The following TRANK1 variants were observed in gnomAD, a reference collection of about 807,000 sequenced individuals.
The protein encoded by TRANK1 is tetratricopeptide repeat and ankyrin repeat containing 1, also known as TPR and ankyrin repeat-containing protein 1.
A neutral mutation model predicts 266.0 loss-of-function variants in TRANK1; 198 were observed. The ratio of observed to expected loss-of-function variants is 0.74; its 90% CI spans 0.66 to 0.84. The LOEUF is 0.84. Among genes scored for constraint, TRANK1 ranks in the 40% least tolerant of loss-of-function variants. The pLI, the probability that TRANK1 is intolerant of heterozygous loss-of-function variation, is 0.00. For missense variants in TRANK1, 3,326 were observed against 3,634.6 expected, an observed-to-expected ratio of 0.92 and a Z score of 2.18; for synonymous variants, 1,396 against 1,384.1, an observed-to-expected ratio of 1.01 and a Z score of -0.19.
chr3:36,938,085 GTCTGGAGGTGTCCAGGAGCTCCCCGTA>G (rs2080447067), intron 1 of TRANK1, among the ~76,000 whole-genome samples: 1 of 152,218 alleles, frequency 6.6e-6, no homozygotes, highest in Non-Finnish European at 1.5e-5. Context: ...CATGGGGAGG[GTCTGGAGGTGTCCAGGAGCTCCCCGTA>G]GACAAAACAA....
At chr3:36,878,891 G>C (rs2079431247) in intron 8 of TRANK1, among the ~76,000 whole-genome samples, 1 of 151,986 alleles carries the variant, frequency 6.6e-6, no homozygotes, top group African/African-American at 2.4e-5. Context: ...TCCTCATCTG[G>C]ATAGGGAGGC....
rs754661260 is a variant in TRANK1 at position 36,856,599 on chromosome 3, G to A, written c.3123C>T (p.Leu1041=). The A allele has an allele frequency of 5.0e-6, 8 of 1,614,036 alleles. No homozygotes were observed. Among genetic ancestry groups the A allele is most frequent in the Non-Finnish European group, 6.8e-6 (8 of 1,179,900 alleles). ...SFSTNMAFNI[L]NDTTATVEYP... is the part of the protein sequence containing the mutation. ...ACTCCACTGTGGCTGTCGTGTCATT[G>A]AGGATGTTAAAGGCCATGTTGGTGC... Residue 1041 remains leucine, a synonymous_variant, in exon 13 of 24, where the codon CTC becomes CTT. Coordinates refer to ENST00000645898, the MANE Select transcript of TRANK1 (RefSeq NM_001329998.2).
At chr3:36,838,802 A>G in intron 18 of TRANK1, 86 bp from the exon 19 acceptor site, 1 of 1,328,444 alleles carries the variant, frequency 7.5e-7, no homozygotes, top group Non-Finnish European at 1.0e-6. Flanking sequence ...ATAAGTTTGT[A>G]CTGACAAAAC....
intron 1 of TRANK1, among the ~76,000 whole-genome samples, chr3:36,939,990 A>T (rs941423466): frequency 6.6e-6 from 1 of 151,868 alleles, no homozygotes; most frequent in African/African-American, 2.4e-5. Flanking sequence ...TCCCGGGTTC[A>T]AGCGATTCTC....
intron 3 of TRANK1, among the ~76,000 whole-genome samples, chr3:36,900,912 G>T (rs1055991440): frequency 2.2e-5 from 3 of 135,756 alleles, no homozygotes; most frequent in Non-Finnish European, 4.8e-5. Context: ...TCATAAAAAA[G>T]GAAGTACTTT....
At chr3:36,939,895 T>A (rs1273774735) in intron 1 of TRANK1, among the ~76,000 whole-genome samples, 1 of 151,978 alleles carries the variant, frequency 6.6e-6, no homozygotes, top group East Asian at 1.9e-4. Context: ...TTGTTCACTT[T>A]TTTTTTTTCT....
Position 36,838,547 on chromosome 3 carries a change from C to A in TRANK1, c.5385-43G>T, listed in dbSNP as rs148116409. On this transcript the variant is annotated intron_variant, in intron 19 of 23. Transcript: ENST00000645898. ...AAATAATATTTCCACGGAACATTGA[C>A]CCTACACCAATATTTAACCTGCTAC... The A allele has an allele frequency of 2.0e-4, 327 of 1,614,002 alleles. No individual in the cohort carries two copies. In the African/African-American group the frequency reaches 3.8e-3, roughly 19 times the overall value.
chr3:36,923,476 G>C (rs937778921), intron 1 of TRANK1, among the ~76,000 whole-genome samples: 1 of 151,820 alleles, frequency 6.6e-6, no homozygotes, highest in African/African-American at 2.4e-5. Flanking sequence ...GGCTGGTCTC[G>C]ATCTCCTGAC....
At chr3:36,916,773 G>A (rs17035767) in intron 1 of TRANK1, among the ~76,000 whole-genome samples, 4,999 of 151,496 alleles carry the variant, frequency 0.033, 258 homozygotes, top group African/African-American at 0.11. Flanking sequence ...AGGGGCTTTG[G>A]TTTCAAATAT....
At chr3:36,910,207 G>A (rs1013231477) in intron 1 of TRANK1, among the ~76,000 whole-genome samples, 2 of 152,166 alleles carry the variant, frequency 1.3e-5, no homozygotes, top group Non-Finnish European at 2.9e-5. Context: ...ACCCTCACTA[G>A]TGCATAAGTA....
At chr3:36,935,363 G>A (rs1452948676) in intron 1 of TRANK1, among the ~76,000 whole-genome samples, 1 of 150,794 alleles carries the variant, frequency 6.6e-6, no homozygotes, top group Non-Finnish European at 1.5e-5. Flanking sequence ...CTGCCTCTAT[G>A]TTTGGGGCAC....
chr3:36,920,832 A>G (rs1347848699), intron 1 of TRANK1, among the ~76,000 whole-genome samples: 3 of 152,174 alleles, frequency 2.0e-5, no homozygotes, highest in East Asian at 1.9e-4. Context: ...TATATGGTGC[A>G]TCAGTTAGGA....
At chr3:36,911,230 A>G (rs1018402249) in intron 1 of TRANK1, among the ~76,000 whole-genome samples, 4 of 152,264 alleles carry the variant, frequency 2.6e-5, no homozygotes, top group South Asian at 2.1e-4. Context: ...TTGAAAAGGC[A>G]TATAATCCCA....
chr3:36,833,620 TG>T lies in TRANK1; in HGVS notation c.5962del (p.Gln1988ArgfsTer19), dbSNP rs752223624. On this transcript the variant is annotated frameshift_variant, in exon 22 of 24. Coordinates refer to ENST00000645898, the MANE Select transcript of TRANK1 (RefSeq NM_001329998.2). LOFTEE classifies it high-confidence loss of function. ...AARLTADKDFQASCLLGAARL... is the reference protein window; with the variant it reads ...AARLTADKDFXASCLLGAARL... ...GGCGGCCCCCAGCAGACATGAGGCC[TG>T]GAAGTCCTTGTCGGCAGTGAGCCTG... 29 of 1,613,790 alleles carry T rather than the reference TG, an allele frequency of 1.8e-5. No individual in the cohort carries two copies. Among genetic ancestry groups the T allele is most frequent in the Non-Finnish European group, 2.2e-5 (26 of 1,179,854 alleles).
At chr3:36,875,780 T>A (rs1234257842) in intron 8 of TRANK1, among the ~76,000 whole-genome samples, 7 of 152,238 alleles carry the variant, frequency 4.6e-5, no homozygotes, top group African/African-American at 1.4e-4. Flanking sequence ...GAATTTTATT[T>A]TTATGTTTAA....
At chr3:36,898,255 C>A (rs535496013) in intron 4 of TRANK1, among the ~76,000 whole-genome samples, 1 of 152,136 alleles carries the variant, frequency 6.6e-6, no homozygotes, top group African/African-American at 2.4e-5. Context: ...TTAAGACCAG[C>A]CTGGCCAACA....
chr3:36,912,710 C>T (rs1483582198), intron 1 of TRANK1, among the ~76,000 whole-genome samples: 4 of 152,014 alleles, frequency 2.6e-5, no homozygotes, highest in Non-Finnish European at 4.4e-5. Flanking sequence ...ATTGTGTATA[C>T]GTATACACAT....
Position 36,899,196 on chromosome 3 carries a change from A to C in TRANK1, c.346T>G (p.Phe116Val), listed in dbSNP as rs1472885161. The stretch of plus-strand genomic sequence containing the variant: ...TGCACAAGTCGCAGACCCTCAAAAA[A>C]CATGCGAGCGGCTTCGTAAGGCTGG... ...LHQPYEAARM[F>V]FEGLRLVQRS... The change falls in exon 4 of 24, where the codon TTT (phenylalanine) becomes GTT (valine). Residue 116 changes from phenylalanine (F) to valine (V), a missense_variant. Transcript: ENST00000645898. 11 of 1,537,162 alleles carry C rather than the reference A, an allele frequency of 7.2e-6. No individual in the cohort carries two copies. The highest frequency in any genetic ancestry group is 9.6e-6 in the Non-Finnish European group (11 of 1,146,922).
chr3:36,855,551 T>A lies in TRANK1; in HGVS notation c.4171A>T (p.Ile1391Phe), dbSNP rs1289198546. The change falls in exon 13 of 24, where the codon ATC (isoleucine) becomes TTC (phenylalanine). Residue 1391 changes from isoleucine (I) to phenylalanine (F), a missense_variant. Transcript: ENST00000645898. Reference protein sequence around the residue: ...CPNFKEDRSEIYSLFSLYQQI... With the variant: ...CPNFKEDRSEFYSLFSLYQQI... ...TGATACAGACTGAAGAGGCTGTAGA[T>A]CTCACTCCGGTCTTCCTTGAAATTG... is the stretch of plus-strand genomic sequence containing the variant. The A allele has an allele frequency of 1.9e-6, 3 of 1,613,942 alleles. No homozygotes were observed. Among genetic ancestry groups the A allele is most frequent in the Non-Finnish European group, 2.5e-6 (3 of 1,179,882 alleles).
Sources: allele counts gnomAD v4.1 joint callset (sites outside exome capture counted in the v4.1 genomes callset), GRCh38; gene constraint gnomAD v4.1.1; transcripts MANE v1.5; gene names NCBI Gene and HGNC (gene_info 2026-07-23, HGNC 2026-07-21).